CD9: variants seen among roughly 807,000 people sequenced by gnomAD.
The protein encoded by CD9 is CD9 molecule, also known as CD9 antigen.
CD9 carries 10 observed loss-of-function variants against 31.4 expected under a neutral mutation model. That is an observed-to-expected ratio of 0.32 (90% CI 0.20 to 0.54). CD9 has a LOEUF of 0.54. Ranked by LOEUF, CD9 falls within the 20% of genes least tolerant of loss-of-function variation. CD9 has a pLI of 0.94. For missense variants in CD9, 259 were observed against 300.1 expected (o/e 0.86, Z 1.01); for synonymous variants, 113 against 114.1 (o/e 0.99, Z 0.06).
chr12:6,226,818 A>G (rs11568246), intron 2 of CD9, among the ~76,000 whole-genome samples: 5,872 of 152,248 alleles, frequency 0.039, 334 homozygotes, highest in African/African-American at 0.13. Flanking sequence ...GCAACAGACC[A>G]TTTTTTGGGA....
At chr12:6,225,613 C>T (rs968992023) in intron 2 of CD9, 79 bp downstream of exon 2, 8 of 881,082 alleles carry the variant, frequency 9.1e-6, no homozygotes, top group Middle Eastern at 2.3e-4. Flanking sequence ...CCCATGTTGA[C>T]CCAGGGACTT....
chr12:6,208,888 T>A (rs1219758530), intron 1 of CD9, among the ~76,000 whole-genome samples: 1 of 151,984 alleles, frequency 6.6e-6, no homozygotes, highest in East Asian at 1.9e-4. Flanking sequence ...GAATGTAGTA[T>A]GATAATACAG....
intron 1 of CD9, among the ~76,000 whole-genome samples, chr12:6,203,002 T>C (rs1388622695): frequency 2.0e-5 from 3 of 152,160 alleles, no homozygotes; most frequent in East Asian, 1.9e-4. Flanking sequence ...TGGGTCCCTG[T>C]GGAGATGAAG....
intron 1 of CD9, among the ~76,000 whole-genome samples, chr12:6,210,741 C>A (rs1946185598): frequency 6.6e-6 from 1 of 151,736 alleles, no homozygotes; most frequent in Non-Finnish European, 1.5e-5. Flanking sequence ...AACAGCTTAA[C>A]AAAATAATTG....
At chr12:6,233,319 G>C in intron 3 of CD9, 93 bp from the exon 4 acceptor site, 1 of 873,366 alleles carries the variant, frequency 1.1e-6, no homozygotes, top group East Asian at 2.4e-5. Flanking sequence ...TGTTCCCAGG[G>C]AGTTGTCCTT....
At chr12:6,233,551 G>T in intron 4 of CD9, 65 bp downstream of exon 4, 1 of 1,204,710 alleles carries the variant, frequency 8.3e-7, no homozygotes, top group African/African-American at 1.5e-5. Flanking sequence ...TGAAGCAGGG[G>T]GCAAGTCCTG....
chr12:6,233,101 G>A lies in CD9; in HGVS notation c.274-311G>A, dbSNP rs1345778088. 4.3e-6 allele frequency: 3 copies of A among 700,798 alleles called. No homozygotes were observed. The East Asian group carries it at 8.1e-5, about 19-fold the overall frequency. 43.4% of individuals were successfully genotyped at this position (700,798 alleles called of 1,614,324 possible). A position where few individuals can be genotyped will look rare whatever the true frequency, so the allele number is the denominator to read the frequency against. On this transcript the variant is annotated intron_variant, in intron 3 of 7. Coordinates refer to ENST00000009180, the MANE Select transcript of CD9 (RefSeq NM_001769.4). ...CTCCCTTTACTTGCCCAAATCTCTT[G>A]TCTTTTGTGAACAATAGTAGTTGCC...
At chr12:6,200,330 T>C (rs1212258537), upstream of CD9, 4 of 398,744 alleles carry the variant, frequency 1.0e-5, no homozygotes, top group East Asian at 7.6e-5. Context: ...TCCCGGCACA[T>C]GCGCACCGCA....
At chr12:6,223,032 C>A (rs11064093) in intron 1 of CD9, among the ~76,000 whole-genome samples, 1 of 152,176 alleles carries the variant, frequency 6.6e-6, no homozygotes, top group Non-Finnish European at 1.5e-5. Flanking sequence ...TGAGCACTGT[C>A]TCGCTATCTC....
At chr12:6,221,434 G>A (rs11568229) in intron 1 of CD9, among the ~76,000 whole-genome samples, 2,467 of 152,236 alleles carry the variant, frequency 0.016, 69 homozygotes, top group African/African-American at 0.057. Flanking sequence ...TTCAGCATCC[G>A]CATCAAACCT....
intron 1 of CD9, among the ~76,000 whole-genome samples, chr12:6,204,090 C>G (rs1946103435): frequency 1.3e-5 from 2 of 152,294 alleles, no homozygotes; most frequent in Middle Eastern, 3.4e-3. Context: ...GAGCCCAGCT[C>G]TGTCCTCAAC....
At chr12:6,201,819 G>A (rs1038731461) in intron 1 of CD9, among the ~76,000 whole-genome samples, 4 of 152,144 alleles carry the variant, frequency 2.6e-5, no homozygotes, top group Admixed American at 1.3e-4. Context: ...CAGGAGGATC[G>A]CTTTCATCCA....
chr12:6,225,163 T>C (rs1946346384), intron 1 of CD9: 1 of 488,492 alleles, frequency 2.0e-6, no homozygotes, highest in Non-Finnish European at 3.7e-6. Flanking sequence ...TTTTCACTGC[T>C]GTATAGTGTT....
intron 7 of CD9, among the ~76,000 whole-genome samples, chr12:6,237,400 GTATT>G (rs936549672): frequency 6.6e-6 from 1 of 152,086 alleles, no homozygotes; most frequent in Non-Finnish European, 1.5e-5. Flanking sequence ...AAAAAAAAGA[GTATT>G]AAATAACATA....
chr12:6,236,709 C>A, intron 7 of CD9: 3 of 383,666 alleles, frequency 7.8e-6, no homozygotes, highest in Non-Finnish European at 1.4e-5. Context: ...CGCTAATCAG[C>A]CCCTAGAAAC....
rs2136625341 is a variant in CD9 at position 6,225,406 on chromosome 12, A to T, written c.67-20A>T. 1.3e-6 allele frequency: 2 copies of T among 1,529,824 alleles called. No homozygotes were observed. Among genetic ancestry groups the T allele is most frequent in the Non-Finnish European group, 9.1e-7 (1 of 1,103,124 alleles). The allele number at this position is 1,529,824 out of a possible 1,614,324, so 94.8% of individuals were successfully genotyped here. ...TTGCTGGCAGCCAGAATTAATGCTG[A>T]TGTCCTGTATGTCTTGCAGCTTGCC... On this transcript the variant is annotated intron_variant, in intron 1 of 7. Transcript: ENST00000009180.
At chr12:6,233,202 C>T (rs568021967) in intron 3 of CD9, 6 of 636,170 alleles carry the variant, frequency 9.4e-6, no homozygotes, top group South Asian at 3.7e-5. Flanking sequence ...TCCTCATGTC[C>T]GGGCACCTTG....
chr12:6,232,793 C>T lies in CD9; in HGVS notation c.273+64C>T. ...CCCACCAACAAAAACCTCAGCAGGC[C>T]CAGACCCAGACCACAGAACAGATGG... On this transcript the variant is annotated intron_variant, in intron 3 of 7. Coordinates refer to ENST00000009180, the MANE Select transcript of CD9 (RefSeq NM_001769.4). The surrounding 1 kb of genome is among the most constrained non-coding windows in gnomAD (Gnocchi z 4.8). 1 of 1,029,490 alleles carries T rather than the reference C, an allele frequency of 9.7e-7. No homozygotes were observed. Among genetic ancestry groups the T allele is most frequent in the Non-Finnish European group, 1.5e-6 (1 of 684,984 alleles). 63.8% of individuals were successfully genotyped at this position (1,029,490 alleles called of 1,614,324 possible). A position where few individuals can be genotyped will look rare whatever the true frequency, so the allele number is the denominator to read the frequency against.
Position 6,237,903 on chromosome 12 carries a change from T to C in CD9, c.*75T>C. On this transcript the variant is annotated 3_prime_UTR_variant, in exon 8 of 8. Coordinates refer to ENST00000009180, the MANE Select transcript of CD9 (RefSeq NM_001769.4). ...GATTTTTTGTTTGTTTGTTTTGTTT[T>C]GTTTGTTGTTTGTTGTTTGTTTTTT... is the stretch of plus-strand genomic sequence containing the variant. 9.5e-7 allele frequency: 1 copy of C among 1,057,854 alleles called. No homozygotes were observed. The highest frequency in any genetic ancestry group is 1.4e-6 in the Non-Finnish European group (1 of 691,740). 65.5% of individuals were successfully genotyped at this position (1,057,854 alleles called of 1,614,324 possible).
Sources: gnomAD v4.1 joint callset for allele counts (sites outside exome capture counted in the v4.1 genomes callset) on GRCh38, gnomAD v4.1.1 for gene constraint, Gnocchi (gnomAD v3.1) non-coding constraint, MANE v1.5 for transcripts, NCBI Gene and HGNC (gene_info 2026-07-23, HGNC 2026-07-21) for gene names.